Variants in IPO11 observed in about 807,000 individuals in gnomAD.
IPO11 encodes the protein importin-11.
A neutral mutation model predicts 143.2 loss-of-function variants in IPO11; 66 were observed. The ratio of observed to expected loss-of-function variants is 0.46; its 90% confidence interval spans 0.38 to 0.57. IPO11 has a LOEUF of 0.57. IPO11 is among the 20% of genes least tolerant of loss of function. The probability of loss-of-function intolerance (pLI) is 0.00; values close to 1 mark genes in which losing one functional copy is unlikely to be tolerated. For synonymous variants in IPO11, 385 were observed against 377.8 expected (o/e 1.02, Z -0.22); for missense variants, 1,026 against 1,141.0 (o/e 0.90, Z 1.45).
intron 26 of IPO11, among the ~76,000 whole-genome samples, chr5:62,559,826 G>A (rs1743707145): frequency 7.3e-6 from 1 of 137,528 alleles, no homozygotes; most frequent in Admixed American, 8.2e-5. Flanking sequence ...TCAGGCAGGA[G>A]AATTGCTTGA....
intron 29 of IPO11, among the ~76,000 whole-genome samples, chr5:62,626,641 T>G (rs1746590996): frequency 6.6e-6 from 1 of 151,666 alleles, no homozygotes; most frequent in Non-Finnish European, 1.5e-5. Context: ...TTTCCAAATA[T>G]CCCAGTGGGA....
chr5:62,457,302 A>G (rs895215241), intron 5 of IPO11, among the ~76,000 whole-genome samples: 49 of 152,114 alleles, frequency 3.2e-4, no homozygotes, highest in Admixed American at 2.9e-3. Context: ...AGTCTAGGCA[A>G]CATAGTGAGA....
At chr5:62,609,854 G>A (rs771762420) in intron 29 of IPO11, among the ~76,000 whole-genome samples, 1 of 152,244 alleles carries the variant, frequency 6.6e-6, no homozygotes, top group African/African-American at 2.4e-5. Flanking sequence ...TTCTGAAAAT[G>A]AGGTTCTAAC....
At chr5:62,484,185 T>C (rs779484603) in intron 11 of IPO11, 23 bp downstream of exon 11, 1 of 1,565,948 alleles carries the variant, frequency 6.4e-7, no homozygotes, top group South Asian at 1.2e-5. Flanking sequence ...TTTTTAGTGT[T>C]AGAATGACTT....
At chr5:62,610,589 T>C (rs980026232) in intron 29 of IPO11, among the ~76,000 whole-genome samples, 2 of 152,180 alleles carry the variant, frequency 1.3e-5, no homozygotes, top group South Asian at 4.1e-4. Flanking sequence ...CTCCATTCTT[T>C]TAAGACTTAA....
At chr5:62,545,208 G>A (rs1743122782) in intron 24 of IPO11, among the ~76,000 whole-genome samples, 1 of 152,118 alleles carries the variant, frequency 6.6e-6, no homozygotes, top group African/African-American at 2.4e-5. Flanking sequence ...ATACTACAAG[G>A]CTACATTAAC....
chr5:62,591,189 T>C (rs1487675510), intron 27 of IPO11, among the ~76,000 whole-genome samples: 1 of 152,228 alleles, frequency 6.6e-6, no homozygotes, highest in Non-Finnish European at 1.5e-5. Flanking sequence ...ATACTTGTTT[T>C]ACAAATATTT....
At chr5:62,553,158 T>C (rs1451203777) in intron 26 of IPO11, among the ~76,000 whole-genome samples, 1 of 152,198 alleles carries the variant, frequency 6.6e-6, no homozygotes, top group African/African-American at 2.4e-5. Flanking sequence ...TACTTTCTGC[T>C]TCTTTGAGGT....
chr5:62,454,554 A>G (rs1397903334), intron 5 of IPO11, among the ~76,000 whole-genome samples: 1 of 152,206 alleles, frequency 6.6e-6, no homozygotes, highest in Non-Finnish European at 1.5e-5. Flanking sequence ...CAGATTGTAC[A>G]GATAATCAGG....
rs1561380618 is a variant in IPO11 at position 62,598,427 on chromosome 5, TC to T, written c.2679-3336del. Reference sequence around the variant, plus strand: ...TTCTTTCTTTCTTTCTTTCTTTCTTTCTTTCTCTCTCTCTCTCTCTCTCTCT... The same window carrying T: ...TTCTTTCTTTCTTTCTTTCTTTCTTTTTTCTCTCTCTCTCTCTCTCTCTCT... On this transcript the variant is annotated intron_variant, in intron 28 of 29. Transcript: ENST00000325324. 3.4e-3 allele frequency among the ~76,000 whole-genome samples: 24 copies of T among 7,126 alleles called. No homozygotes were observed. The African/African-American group carries it at 0.035, about 10-fold the overall frequency. 4.7% of individuals were successfully genotyped at this position (7,126 alleles called of 152,430 possible).
rs201599057 is a variant in IPO11, at chr5:62,525,367, T to TG, written c.1897-775_1897-774insG. Among the ~76,000 whole-genome samples, 722 of 148,280 alleles carry TG rather than the reference T, an allele frequency of 4.9e-3. 6 individuals are homozygous for TG. Among genetic ancestry groups the TG allele is most frequent in the African/African-American group, 0.017 (679 of 39,824 alleles). On this transcript the variant is annotated intron_variant, in intron 20 of 29. Coordinates refer to ENST00000325324, the MANE Select transcript of IPO11 (RefSeq NM_016338.5). ...CAAATCCTCCCATCCTTTTTTTTTT[T>TG]TTGTGTGTGTGTGTGTGTGAGGTGA...
At chr5:62,491,293 A>G (rs1335859284) in intron 15 of IPO11, among the ~76,000 whole-genome samples, 2 of 152,354 alleles carry the variant, frequency 1.3e-5, no homozygotes, top group East Asian at 3.9e-4. Context: ...TCAATCATTT[A>G]TTCAGTTAAC....
chr5:62,416,213 G>A (rs1230023389), intron 1 of IPO11, among the ~76,000 whole-genome samples: 11 of 129,086 alleles, frequency 8.5e-5, no homozygotes, highest in African/African-American at 2.1e-4. Flanking sequence ...ACGGAGCCTC[G>A]CTCTTGTCTC....
intron 29 of IPO11, among the ~76,000 whole-genome samples, chr5:62,616,998 C>T (rs1746166533): frequency 1.3e-5 from 2 of 152,154 alleles, no homozygotes; most frequent in Admixed American, 6.5e-5. Flanking sequence ...TTCAACATTT[C>T]CTCTTTATAG....
intron 5 of IPO11, among the ~76,000 whole-genome samples, chr5:62,461,368 A>T (rs571070466): frequency 6.6e-6 from 1 of 152,336 alleles, no homozygotes; most frequent in South Asian, 2.1e-4. Context: ...TATCAATGTC[A>T]AGGATAGGGG....
At chr5:62,491,145 A>T (rs145159603) in intron 15 of IPO11, among the ~76,000 whole-genome samples, 363 of 152,318 alleles carry the variant, frequency 2.4e-3, no homozygotes, top group African/African-American at 8.3e-3. Context: ...AATACTTAGC[A>T]TATAGTCATA....
intron 1 of IPO11, among the ~76,000 whole-genome samples, chr5:62,426,562 G>A (rs534817542): frequency 5.5e-4 from 83 of 152,212 alleles, no homozygotes; most frequent in African/African-American, 1.9e-3. Flanking sequence ...AAGTTGGGAT[G>A]TTTTTGGAGA....
chr5:62,581,076 C>G, intron 27 of IPO11: 1 of 1,549,110 alleles, frequency 6.5e-7, no homozygotes, highest in Non-Finnish European at 8.7e-7. Context: ...TTTTTTTGAT[C>G]TACAAAGTTG....
chr5:62,624,812 G>A (rs764710240), intron 29 of IPO11, among the ~76,000 whole-genome samples: 2 of 151,878 alleles, frequency 1.3e-5, no homozygotes, highest in Admixed American at 1.3e-4. Context: ...GTGAAACCCC[G>A]TCTCTACTAA....
Sources: allele counts gnomAD v4.1 joint callset (sites outside exome capture counted in the v4.1 genomes callset), GRCh38; gene constraint gnomAD v4.1.1; transcripts MANE v1.5; gene names NCBI Gene and HGNC (gene_info 2026-07-23, HGNC 2026-07-21).